Variants in ATXN1 observed in about 807,000 individuals in gnomAD.
ATXN1 encodes ataxin 1.
A neutral mutation model predicts 56.4 loss-of-function variants in ATXN1; 8 were observed. The ratio of observed to expected loss-of-function variants is 0.14; its 90% CI spans 0.08 to 0.26. The LOEUF (loss-of-function observed/expected upper bound fraction) is 0.26, where lower values mean the gene tolerates loss of function less well. Among genes scored for constraint, ATXN1 ranks in the 10% least tolerant of loss-of-function variants. ATXN1 has a pLI of 1.00. For missense variants in ATXN1, 987 were observed against 1,106.5 expected, an observed-to-expected ratio of 0.89 and a Z score of 1.53; for synonymous variants, 514 against 494.6, an observed-to-expected ratio of 1.04 and a Z score of -0.52.
chr6:16,704,860 TG>T (rs1759373078), intron 2 of ATXN1, among the ~76,000 whole-genome samples: 1 of 152,206 alleles, frequency 6.6e-6, no homozygotes, highest in African/African-American at 2.4e-5. Context: ...TGCACCAATG[TG>T]CAGAACTTTT....
rs978136395 is a variant in ATXN1, at chr6:16,304,301, T to G, written c.*2028A>C. The stretch of plus-strand genomic sequence containing the variant: ...AAAAATTTCTCCCTACTTATAAAAC[T>G]TTTTTTTAAAGCACTTTAAAGATGC... On this transcript the variant is annotated 3_prime_UTR_variant, in exon 8 of 8. Transcript: ENST00000436367. 1 of 152,384 alleles carries G rather than the reference T, an allele frequency of 6.6e-6. No individual in the cohort carries two copies. The highest frequency in any genetic ancestry group is 1.5e-5 in the Non-Finnish European group (1 of 67,960). The allele number at this position is 152,384 out of a possible 1,614,324, so 9.4% of individuals were successfully genotyped here.
chr6:16,565,345 CA>C (rs576973021), intron 4 of ATXN1, among the ~76,000 whole-genome samples: 1 of 152,100 alleles, frequency 6.6e-6, no homozygotes, highest in Admixed American at 6.5e-5. Flanking sequence ...GAAGAAACTG[CA>C]AAAAGAGATT....
At chr6:16,347,264 G>A (rs1019885808) in intron 6 of ATXN1, among the ~76,000 whole-genome samples, 3 of 152,048 alleles carry the variant, frequency 2.0e-5, no homozygotes, top group East Asian at 1.9e-4. Flanking sequence ...TACTGCCTCT[G>A]TGAAGATCCA....
chr6:16,432,761 A>G (rs565628484), intron 6 of ATXN1: 29 of 151,200 alleles, frequency 1.9e-4, no homozygotes, highest in African/African-American at 6.6e-4. Context: ...ATTTGCTTAT[A>G]AACTATGAAG....
At chr6:16,527,445 G>A (rs1234928560) in intron 4 of ATXN1, among the ~76,000 whole-genome samples, 2 of 152,180 alleles carry the variant, frequency 1.3e-5, no homozygotes, top group Admixed American at 1.3e-4. Context: ...GCAAAGAAAT[G>A]CCAAAGGAGA....
intron 6 of ATXN1, among the ~76,000 whole-genome samples, chr6:16,482,552 A>T (rs1760460631): frequency 1.3e-5 from 2 of 152,228 alleles, no homozygotes; most frequent in Non-Finnish European, 1.5e-5. Context: ...GGAATGAAAT[A>T]TGGATCACTT....
chr6:16,315,716 A>G (rs61075502), intron 7 of ATXN1, among the ~76,000 whole-genome samples: 36,484 of 151,942 alleles, frequency 0.24, 5,325 homozygotes, highest in African/African-American at 0.42. Flanking sequence ...AGGCTGGAGT[A>G]CAGTAGCATG....
chr6:16,472,298 T>C (rs1294997483), intron 6 of ATXN1, among the ~76,000 whole-genome samples: 1 of 152,194 alleles, frequency 6.6e-6, no homozygotes, highest in Non-Finnish European at 1.5e-5. Context: ...CAAAACTTCA[T>C]GTAAGGTCAT....
chr6:16,599,235 G>C (rs1416928584), intron 3 of ATXN1, among the ~76,000 whole-genome samples: 2 of 152,178 alleles, frequency 1.3e-5, no homozygotes, highest in East Asian at 3.9e-4. Flanking sequence ...TCCAAGGTAT[G>C]AACCAAGAAA....
At chr6:16,684,546 T>C (rs1377145596) in intron 2 of ATXN1, among the ~76,000 whole-genome samples, 5 of 152,172 alleles carry the variant, frequency 3.3e-5, no homozygotes, top group African/African-American at 1.2e-4. Flanking sequence ...AAACCACTTA[T>C]ATAACCCAAC....
At chr6:16,462,637 C>G (rs565578084) in intron 6 of ATXN1, among the ~76,000 whole-genome samples, 7 of 152,140 alleles carry the variant, frequency 4.6e-5, no homozygotes, top group Non-Finnish European at 2.9e-5. Flanking sequence ...CCAGCTTTTA[C>G]GCTCTTACAT....
intron 6 of ATXN1, among the ~76,000 whole-genome samples, chr6:16,434,423 G>A (rs2113586655): frequency 6.6e-6 from 1 of 152,298 alleles, no homozygotes; most frequent in East Asian, 1.9e-4. Context: ...GAAATGATGT[G>A]AACTTAATTT....
chr6:16,447,249 G>C (rs1017315432), intron 6 of ATXN1, among the ~76,000 whole-genome samples: 3 of 152,076 alleles, frequency 2.0e-5, no homozygotes. Context: ...TTTTGAGACA[G>C]GGTCTCGTTC....
chr6:16,390,014 A>T (rs945303550), intron 6 of ATXN1, among the ~76,000 whole-genome samples: 2 of 152,232 alleles, frequency 1.3e-5, no homozygotes, highest in Non-Finnish European at 1.5e-5. Context: ...ATACATACAG[A>T]TTATTAATAG....
At chr6:16,687,455 G>A (rs1180972537) in intron 2 of ATXN1, among the ~76,000 whole-genome samples, 1 of 152,004 alleles carries the variant, frequency 6.6e-6, no homozygotes, top group Non-Finnish European at 1.5e-5. Context: ...TCTAATTTTT[G>A]GGGGCTAGTC....
intron 3 of ATXN1, among the ~76,000 whole-genome samples, chr6:16,611,672 CAG>C (rs1763107822): frequency 6.6e-6 from 1 of 151,896 alleles, no homozygotes; most frequent in Admixed American, 6.6e-5. Context: ...AAGCATTCAA[CAG>C]GGGTGAAATT....
chr6:16,747,355 C>T (rs1581418279), intron 2 of ATXN1, among the ~76,000 whole-genome samples: 1 of 152,052 alleles, frequency 6.6e-6, no homozygotes, highest in South Asian at 2.1e-4. Flanking sequence ...TTAAACTCCA[C>T]GCTCTGCTCA....
At chr6:16,408,368 T>A (rs925283039) in intron 6 of ATXN1, among the ~76,000 whole-genome samples, 3 of 152,214 alleles carry the variant, frequency 2.0e-5, no homozygotes, top group Non-Finnish European at 4.4e-5. Flanking sequence ...AATAGTGGCC[T>A]CACCAAAGCC....
intron 2 of ATXN1, among the ~76,000 whole-genome samples, chr6:16,700,293 T>C (rs902859279): frequency 2.6e-5 from 4 of 152,160 alleles, no homozygotes; most frequent in African/African-American, 9.7e-5. Flanking sequence ...GACTTGGGGA[T>C]GTACTTCTCT....
Sources: allele counts gnomAD v4.1 joint callset (sites outside exome capture counted in the v4.1 genomes callset), GRCh38; gene constraint gnomAD v4.1.1; transcripts MANE v1.5; gene names NCBI Gene and HGNC (gene_info 2026-07-23, HGNC 2026-07-21).